The following FSTL4 variants were observed in gnomAD, a reference collection of about 807,000 sequenced individuals.
The protein encoded by FSTL4 is follistatin-related protein 4.
In FSTL4, 28 loss-of-function variants were observed where a neutral mutation model predicts 78.2. That is an observed-to-expected ratio of 0.36 (90% CI 0.27 to 0.49). FSTL4 has a LOEUF of 0.49. Ranked by LOEUF, FSTL4 falls within the 20% of genes least tolerant of loss-of-function variation. The pLI, the probability that FSTL4 is intolerant of heterozygous loss-of-function variation, is 0.98. For missense variants in FSTL4, 922 were observed against 1,084.9 expected (o/e 0.85, Z 2.11); for synonymous variants, 422 against 440.5 (o/e 0.96, Z 0.53).
At chr5:133,494,848 C>T (rs951348460) in intron 3 of FSTL4, among the ~76,000 whole-genome samples, 10 of 152,338 alleles carry the variant, frequency 6.6e-5, no homozygotes, top group Middle Eastern at 3.4e-3. Context: ...AGAGGGGCAC[C>T]GGCTTGCATT....
At chr5:133,320,931 C>T (rs151293511) in intron 4 of FSTL4, among the ~76,000 whole-genome samples, 36 of 141,964 alleles carry the variant, frequency 2.5e-4, no homozygotes, top group African/African-American at 9.4e-4. Context: ...GGTATGAACC[C>T]GGGAGGCACA....
intron 7 of FSTL4, among the ~76,000 whole-genome samples, chr5:133,245,026 G>A (rs1751993136): frequency 2.0e-5 from 3 of 151,758 alleles, no homozygotes; most frequent in South Asian, 4.2e-4. Context: ...AGGCTGTGAT[G>A]GGAGGATCGC....
chr5:133,562,585 T>G (rs1452839042), intron 3 of FSTL4, among the ~76,000 whole-genome samples: 1 of 152,076 alleles, frequency 6.6e-6, no homozygotes, highest in African/African-American at 2.4e-5. Flanking sequence ...GCAGCAGCCC[T>G]CCTCTCCCGG....
intron 14 of FSTL4, among the ~76,000 whole-genome samples, chr5:133,204,458 G>T (rs1750429125): frequency 6.6e-6 from 1 of 152,166 alleles, no homozygotes; most frequent in Non-Finnish European, 1.5e-5. Context: ...TAAAAATAAT[G>T]TCATAGCTCA....
the FSTL4 span, among the ~76,000 whole-genome samples, chr5:133,671,581 T>A: frequency 6.6e-6 from 1 of 152,204 alleles, no homozygotes; most frequent in Non-Finnish European, 1.5e-5. Flanking sequence ...CCAGCAGTTT[T>A]GCCACAAGAG....
intron 14 of FSTL4, among the ~76,000 whole-genome samples, chr5:133,203,567 TTC>T (rs1214732384): frequency 6.6e-6 from 1 of 152,182 alleles, no homozygotes; most frequent in African/African-American, 2.4e-5. Flanking sequence ...ATTAGGTTAT[TTC>T]TCTGTGATTT....
chr5:133,538,234 T>C lies in FSTL4; in HGVS notation c.160+28952A>G, dbSNP rs993425358. Among the ~76,000 whole-genome samples, 9 of 152,296 alleles carry C rather than the reference T, an allele frequency of 5.9e-5. No homozygotes were observed. The East Asian group carries it at 1.7e-3, about 29-fold the overall frequency. On this transcript the variant is annotated intron_variant, in intron 3 of 15. Coordinates refer to ENST00000265342, the MANE Select transcript of FSTL4 (RefSeq NM_015082.2). Reference sequence around the variant, plus strand: ...CCTCAGCCTTTCTGTCTCTTGACCTTAATATTTTTGAAGGGTACAGGCAAG... The same window carrying C: ...CCTCAGCCTTTCTGTCTCTTGACCTCAATATTTTTGAAGGGTACAGGCAAG...
rs1051843199 is a variant in FSTL4 at position 133,198,291 on chromosome 5, G to A, written c.*804C>T. ...AGAACCGAGTCCTTACGGATGAGGTGGCCTGGTCTGCTCTTGGAGAAGCAG... is the reference window on the plus strand; with the variant it reads ...AGAACCGAGTCCTTACGGATGAGGTAGCCTGGTCTGCTCTTGGAGAAGCAG... On this transcript the variant is annotated 3_prime_UTR_variant, in exon 16 of 16. Transcript: ENST00000265342. 4 of 152,518 alleles carry A rather than the reference G, an allele frequency of 2.6e-5. No individual in the cohort carries two copies. Among genetic ancestry groups the A allele is most frequent in the African/African-American group, 9.7e-5 (4 of 41,388 alleles). 9.4% of individuals were successfully genotyped at this position (152,518 alleles called of 1,614,324 possible). A position where few individuals can be genotyped will look rare whatever the true frequency, so the allele number is the denominator to read the frequency against.
At chr5:133,735,891 G>A in the FSTL4 span, among the ~76,000 whole-genome samples, 5 of 152,196 alleles carry the variant, frequency 3.3e-5, no homozygotes, top group African/African-American at 1.2e-4. Flanking sequence ...TGGTAGAGTC[G>A]TGAAAACTAG....
At chr5:133,261,953 C>T (rs6878551) in intron 6 of FSTL4, among the ~76,000 whole-genome samples, 5,916 of 151,030 alleles carry the variant, frequency 0.039, 399 homozygotes, top group African/African-American at 0.13. Flanking sequence ...GATTGCGCCA[C>T]TGGACTCCAA....
the FSTL4 span, among the ~76,000 whole-genome samples, chr5:133,623,842 A>G: frequency 6.6e-6 from 1 of 152,054 alleles, no homozygotes; most frequent in Non-Finnish European, 1.5e-5. Context: ...TTCAGAGAAG[A>G]TATACAAATG....
At chr5:133,249,849 T>G (rs1752165093) in intron 6 of FSTL4, among the ~76,000 whole-genome samples, 1 of 152,144 alleles carries the variant, frequency 6.6e-6, no homozygotes, top group Non-Finnish European at 1.5e-5. Flanking sequence ...GGCCATAGAT[T>G]TGTGTCAAGC....
rs547574754 is a variant in FSTL4 at position 133,440,468 on chromosome 5, G to A, written c.161-39482C>T. Among the ~76,000 whole-genome samples the A allele has an allele frequency of 3.9e-5, 6 of 152,334 alleles. No individual in the cohort carries two copies. The highest frequency in any genetic ancestry group is 1.9e-4 in the East Asian group (1 of 5,180). On this transcript the variant is annotated intron_variant, in intron 3 of 15. Transcript: ENST00000265342. This position sits in a 1 kb window ranked among gnomAD's most constrained non-coding sequence, Gnocchi z 4.1. ...ACTGAGCCCTTACATCTGGCTGGCC[G>A]ACCAAGCTGCTTATGGCAATGTCAG...
intron 3 of FSTL4, among the ~76,000 whole-genome samples, chr5:133,550,005 G>C (rs898230945): frequency 2.0e-5 from 3 of 152,230 alleles, no homozygotes; most frequent in Non-Finnish European, 1.5e-5. Context: ...TCTGCCCTAG[G>C]CTTGACTCCT....
chr5:133,418,794 T>C (rs902183722), intron 3 of FSTL4, among the ~76,000 whole-genome samples: 2 of 152,184 alleles, frequency 1.3e-5, no homozygotes, highest in African/African-American at 4.8e-5. Flanking sequence ...CAGCATACAA[T>C]TTGAAAGGTT....
At chr5:133,381,892 AG>A (rs1438590585) in intron 4 of FSTL4, among the ~76,000 whole-genome samples, 2 of 152,240 alleles carry the variant, frequency 1.3e-5, no homozygotes, top group Non-Finnish European at 2.9e-5. Flanking sequence ...GAGGAACATG[AG>A]GAAGCAGGGC....
intron 6 of FSTL4, among the ~76,000 whole-genome samples, chr5:133,273,517 T>G (rs1419567788): frequency 6.6e-6 from 1 of 152,156 alleles, no homozygotes; most frequent in Non-Finnish European, 1.5e-5. Context: ...AGGGAGCTAC[T>G]TGGGGTCAGG....
chr5:133,279,265 C>T (rs1056519251), intron 6 of FSTL4, among the ~76,000 whole-genome samples: 2 of 152,114 alleles, frequency 1.3e-5, no homozygotes, highest in Non-Finnish European at 2.9e-5. Flanking sequence ...TCAGCAGCAG[C>T]GTTAGATTCT....
the FSTL4 span, among the ~76,000 whole-genome samples, chr5:133,817,434 AGAAG>A: frequency 0.097 from 14,819 of 152,188 alleles, 921 homozygotes; most frequent in East Asian, 0.2. Context: ...GGTGACAGTA[AGAAG>A]GAAGATAGGG....
Sources: gnomAD v4.1 joint callset for allele counts (sites outside exome capture counted in the v4.1 genomes callset) on GRCh38, gnomAD v4.1.1 for gene constraint, Gnocchi (gnomAD v3.1) non-coding constraint, MANE v1.5 for transcripts, NCBI Gene and HGNC (gene_info 2026-07-23, HGNC 2026-07-21) for gene names.